The following SDHA variants were observed in gnomAD, a reference collection of about 807,000 sequenced individuals.
SDHA encodes succinate dehydrogenase [ubiquinone] flavoprotein subunit, mitochondrial.
In SDHA, 48 loss-of-function variants were observed where a neutral mutation model predicts 78.4. The observed-to-expected ratio is 0.61, with a 90% CI of 0.49 to 0.78. SDHA has a LOEUF of 0.78. SDHA is among the 30% of genes least tolerant of loss of function. The pLI is 0.00. For synonymous variants in SDHA, 326 were observed against 353.9 expected (o/e 0.92, Z 0.88); for missense variants, 680 against 892.7 (o/e 0.76, Z 3.04).
chr5:226,844 G>T (rs570491163), intron 5 of SDHA, among the ~76,000 whole-genome samples: 2 of 145,886 alleles, frequency 1.4e-5, no homozygotes, highest in South Asian at 2.2e-4. Flanking sequence ...CAGGAGAATG[G>T]CGTGAACCCA....
chr5:264,113 A>G, the SDHA span, among the ~76,000 whole-genome samples: 5 of 152,220 alleles, frequency 3.3e-5, no homozygotes, highest in Admixed American at 2.6e-4. Flanking sequence ...TTTTCTTAAA[A>G]CAGTACAAAG....
intron 1 of SDHA, among the ~76,000 whole-genome samples, chr5:220,569 T>C (rs1734655581): frequency 6.6e-6 from 1 of 152,212 alleles, no homozygotes; most frequent in Admixed American, 6.5e-5. Context: ...TGAAAAATTG[T>C]GACTTGTTTT....
At chr5:258,483 C>T (rs1737351860), downstream of SDHA, among the ~76,000 whole-genome samples, 1 of 128,884 alleles carries the variant, frequency 7.8e-6, no homozygotes, top group South Asian at 2.3e-4. Flanking sequence ...AGCTCCACCC[C>T]CTGCCAGAGC....
rs878854630 is a variant in SDHA at position 254,396 on chromosome 5, C to T, written c.1798C>T (p.Arg600Trp). The change falls in exon 14 of 15, where the codon CGG becomes TGG. Residue 600 changes from arginine to tryptophan, a missense_variant. Coordinates refer to ENST00000264932, the MANE Select transcript of SDHA (RefSeq NM_004168.4). ...GTGATGGTGTTTCTGGCCTCAGGTGCGGATTGATGAGTACGATTACTCCAA... is the reference window on the plus strand; with the variant it reads ...GTGATGGTGTTTCTGGCCTCAGGTGTGGATTGATGAGTACGATTACTCCAA... ...GAHAREDYKV[R>W]IDEYDYSKPI... 50 of 1,601,688 alleles carry T rather than the reference C, an allele frequency of 3.1e-5. No individual in the cohort carries two copies. The highest frequency in any genetic ancestry group is 4.0e-5 in the Non-Finnish European group (47 of 1,173,906).
intron 5 of SDHA, among the ~76,000 whole-genome samples, chr5:227,337 C>T (rs1394806162): frequency 6.6e-6 from 1 of 152,222 alleles, no homozygotes; most frequent in Non-Finnish European, 1.5e-5. Flanking sequence ...TAACTGTTAA[C>T]ACTGAAGAAA....
rs753004001 is a variant in SDHA at position 225,949 on chromosome 5, G to A, written c.523G>A (p.Gly175Arg). 1 of 1,614,010 alleles carries A rather than the reference G, an allele frequency of 6.2e-7. No individual in the cohort carries two copies. Among genetic ancestry groups the A allele is most frequent in the East Asian group, 2.2e-5 (1 of 44,890 alleles). Residue 175 changes from glycine to arginine, a missense_variant, in exon 5 of 15, where the codon GGA becomes AGA. By Grantham distance (125) the Gly-to-Arg change is moderately radical (BLOSUM62 -2). Transcript: ENST00000264932. Reference sequence around the variant, plus strand: ...GAAGATTTATCAGCGTGCATTTGGTGGACAGAGCCTCAAGTTTGGAAAGGG... The same window carrying A: ...GAAGATTTATCAGCGTGCATTTGGTAGACAGAGCCTCAAGTTTGGAAAGGG... ...DGKIYQRAFGGQSLKFGKGGQ... is the reference protein window; with the variant it reads ...DGKIYQRAFGRQSLKFGKGGQ...
At chr5:268,592 C>T in the SDHA span, among the ~76,000 whole-genome samples, 1 of 152,152 alleles carries the variant, frequency 6.6e-6, no homozygotes, top group African/African-American at 2.4e-5. Flanking sequence ...CTCTTACTGC[C>T]TGCTTGGCTT....
intron 10 of SDHA, 61 bp downstream of exon 10, chr5:236,660 T>C: frequency 1.3e-6 from 2 of 1,563,996 alleles, no homozygotes; most frequent in Non-Finnish European, 1.8e-6. Context: ...GAAAGTCTTT[T>C]TTCTTTTTTT....
chr5:244,337 G>A (rs2126614100), intron 11 of SDHA, among the ~76,000 whole-genome samples: 1 of 151,930 alleles, frequency 6.6e-6, no homozygotes, highest in South Asian at 2.1e-4. Flanking sequence ...AGTTTAAAAG[G>A]GTACAAATAC....
chr5:257,454 T>C (rs369601044), downstream of SDHA, among the ~76,000 whole-genome samples: 20,450 of 119,212 alleles, frequency 0.17, 4,765 homozygotes, highest in African/African-American at 0.5. Context: ...GAGCTCCGCC[T>C]GCTGCCAGAG....
intron 8 of SDHA, chr5:234,127 CAGAG>C (rs1439692133): frequency 5.3e-6 from 1 of 188,112 alleles, no homozygotes; most frequent in Non-Finnish European, 1.1e-5. Context: ...ATTAAAAAAA[CAGAG>C]AAGTCAGGTG....
In SDHA at chr5:254,600, C is replaced by A. The variant is rs1055242142; in HGVS notation, c.1908+94C>A. On this transcript the variant is annotated intron_variant, in intron 14 of 14. Transcript: ENST00000264932. ...CTTGCTGATGGTGAACGGGGAAGAG[C>A]AGGCCAGATTTAAATCAACTCCCGA... The A allele has an allele frequency of 7.5e-6, 11 of 1,466,886 alleles. 1 individual carries two copies. The African/African-American group carries it at 8.0e-5, about 11-fold the overall frequency. The allele number at this position is 1,466,886 out of a possible 1,614,324, so 90.9% of individuals were successfully genotyped here.
chr5:231,995 G>A (rs930954624), intron 7 of SDHA, among the ~76,000 whole-genome samples: 7 of 148,414 alleles, frequency 4.7e-5, no homozygotes, highest in Non-Finnish European at 8.8e-5. Context: ...TGAGTTTGGA[G>A]GAGGTTCTTC....
intron 11 of SDHA, chr5:249,958 C>T (rs1561009262): frequency 6.6e-6 from 1 of 152,158 alleles, no homozygotes; most frequent in African/African-American, 2.4e-5. Context: ...TTACAATGTG[C>T]CAGCAGTAGT....
At chr5:254,101 G>C (rs1484735764) in intron 13 of SDHA, among the ~76,000 whole-genome samples, 1 of 147,874 alleles carries the variant, frequency 6.8e-6, no homozygotes, top group East Asian at 2.0e-4. Flanking sequence ...TAGTCTCCCA[G>C]CACATGGAGC....
intron 11 of SDHA, among the ~76,000 whole-genome samples, chr5:242,578 A>G (rs1223164727): frequency 2.0e-5 from 3 of 151,992 alleles, no homozygotes; most frequent in Non-Finnish European, 4.4e-5. Context: ...TCCACACACT[A>G]TATTTCTGTG....
intron 13 of SDHA, among the ~76,000 whole-genome samples, chr5:252,159 G>A (rs1736873978): frequency 6.7e-6 from 1 of 149,542 alleles, no homozygotes; most frequent in African/African-American, 2.5e-5. Context: ...CCTGTCCTGT[G>A]GAGGAAATGC....
At chr5:234,717 T>A in intron 8 of SDHA, 1 of 274,812 alleles carries the variant, frequency 3.6e-6, no homozygotes, top group South Asian at 4.2e-5. Context: ...GAGGAGGATG[T>A]GCATAGGTTA....
the SDHA span, among the ~76,000 whole-genome samples, chr5:263,638 G>A: frequency 4.1e-4 from 62 of 152,260 alleles, 1 homozygote; most frequent in East Asian, 9.6e-3. Flanking sequence ...ATAAAAATGC[G>A]AACCAAAAAC....
Sources: allele counts gnomAD v4.1 joint callset (sites outside exome capture counted in the v4.1 genomes callset), GRCh38; gene constraint gnomAD v4.1.1; transcripts MANE v1.5; gene names NCBI Gene and HGNC (gene_info 2026-07-23, HGNC 2026-07-21).